Variants in EIF2AK3 observed in about 807,000 individuals in gnomAD.
EIF2AK3 encodes eukaryotic translation initiation factor 2-alpha kinase 3.
A neutral mutation model predicts 113.5 loss-of-function variants in EIF2AK3; 50 were observed. That is an observed-to-expected ratio of 0.44 (90% CI 0.35 to 0.56). The LOEUF is 0.56. Among genes scored for constraint, EIF2AK3 ranks in the 20% least tolerant of loss-of-function variants. The pLI, the probability that EIF2AK3 is intolerant of heterozygous loss-of-function variation, is 0.00. For missense variants in EIF2AK3, 1,185 were observed against 1,378.0 expected, an observed-to-expected ratio of 0.86 and a Z score of 2.22; for synonymous variants, 448 against 495.4, an observed-to-expected ratio of 0.90 and a Z score of 1.27.
In EIF2AK3 at chr2:88,576,552, A is replaced by G; in HGVS notation, c.2036+2T>C. ...AAGTGTATGTGTAACAAAGTTAGTT[A>G]CCTTTCATCTTTCAGCCAAATTTCA... On this transcript the variant is annotated splice_donor_variant, in intron 12 of 16. Transcript: ENST00000303236. LOFTEE classifies it high-confidence loss of function. 6.2e-7 allele frequency: 1 copy of G among 1,614,058 alleles called. No individual in the cohort carries two copies.
chr2:88,627,203 C>G lies in EIF2AK3; in HGVS notation c.72G>C (p.Ala24=), dbSNP rs1052744793. The G allele has an allele frequency of 1.2e-4, 173 of 1,438,108 alleles. No homozygotes were observed. Among genetic ancestry groups the G allele is most frequent in the East Asian group, 1.8e-4 (6 of 32,470 alleles). The allele number at this position is 1,438,108 out of a possible 1,614,324, so 89.1% of individuals were successfully genotyped here. A position where few individuals can be genotyped will look rare whatever the true frequency, so the allele number is the denominator to read the frequency against. ...LLLLLLLLGL[A]ARTVAAGRAR... is the part of the protein sequence containing the mutation. ...CGCGCCCCGCGGCCACCGTCCTTGC[C>G]GCGAGCCCCAGCAGCAGCAGCAGCA... The change falls in exon 1 of 17, where the codon GCG becomes GCC. Residue 24 remains alanine (A), a synonymous_variant. Coordinates refer to ENST00000303236, the MANE Select transcript of EIF2AK3 (RefSeq NM_004836.7).
Position 88,587,962 on chromosome 2 carries a change from A to G in EIF2AK3, c.1429+20T>C, listed in dbSNP as rs1436126570. On this transcript the variant is annotated intron_variant, in intron 8 of 16. Coordinates refer to ENST00000303236, the MANE Select transcript of EIF2AK3 (RefSeq NM_004836.7). ...TCAAATTAAAAAATAAAATAAATAA[A>G]ACTCAGTATTTTCACTTACCATATG... 2.0e-6 allele frequency: 3 copies of G among 1,500,840 alleles called. No homozygotes were observed. The highest frequency in any genetic ancestry group is 1.8e-6 in the Non-Finnish European group (2 of 1,095,024). 93.0% of individuals were successfully genotyped at this position (1,500,840 alleles called of 1,614,324 possible).
chr2:88,607,235 T>G (rs1007621000), intron 2 of EIF2AK3, among the ~76,000 whole-genome samples: 3 of 152,212 alleles, frequency 2.0e-5, no homozygotes, highest in African/African-American at 7.2e-5. Flanking sequence ...AACAAAATTT[T>G]AAGGCAATCA....
intron 2 of EIF2AK3, among the ~76,000 whole-genome samples, chr2:88,597,364 G>C (rs972391501): frequency 1.3e-5 from 2 of 152,050 alleles, no homozygotes; most frequent in African/African-American, 4.8e-5. Flanking sequence ...GTATCTTCCA[G>C]ATTAATCTCT....
At chr2:88,599,200 C>T (rs1310015529) in intron 2 of EIF2AK3, among the ~76,000 whole-genome samples, 1 of 151,998 alleles carries the variant, frequency 6.6e-6, no homozygotes, top group Non-Finnish European at 1.5e-5. Context: ...TTAAGGGTTC[C>T]TATTACTCAT....
At chr2:88,604,718 G>T (rs374280174) in intron 2 of EIF2AK3, among the ~76,000 whole-genome samples, 7 of 152,236 alleles carry the variant, frequency 4.6e-5, no homozygotes, top group Middle Eastern at 3.4e-3. Context: ...AAGTTTTGGT[G>T]CCTGTGACTA....
chr2:88,606,001 T>C (rs949104371), intron 2 of EIF2AK3, among the ~76,000 whole-genome samples: 1 of 152,208 alleles, frequency 6.6e-6, no homozygotes, highest in African/African-American at 2.4e-5. Context: ...CCAAGTGATA[T>C]GCTATATGCT....
intron 1 of EIF2AK3, among the ~76,000 whole-genome samples, chr2:88,620,724 C>G (rs752326675): frequency 6.6e-6 from 1 of 152,224 alleles, no homozygotes; most frequent in African/African-American, 2.4e-5. Flanking sequence ...ATATTTTTCT[C>G]ATTCCGGGAC....
chr2:88,562,155 C>G (rs1461760493), intron 15 of EIF2AK3, 134 bp downstream of exon 15: 2 of 711,856 alleles, frequency 2.8e-6, no homozygotes, highest in African/African-American at 3.6e-5. Context: ...CTCTGTGTTA[C>G]TCACATCACC....
In EIF2AK3 at chr2:88,627,247, G is replaced by C. The variant is rs1462706867; in HGVS notation, c.28C>G (p.Leu10Val). 1 of 1,482,146 alleles carries C rather than the reference G, an allele frequency of 6.7e-7. No individual in the cohort carries two copies. The highest frequency in any genetic ancestry group is 8.9e-7 in the Non-Finnish European group (1 of 1,122,282). The allele number at this position is 1,482,146 out of a possible 1,614,324, so 91.8% of individuals were successfully genotyped here. ...AGCAGCAGCAGCAGCGCCCGTACCAGCAGCCCCGGGCTGATGGCGCGCTCC... is the reference window on the plus strand; with the variant it reads ...AGCAGCAGCAGCAGCGCCCGTACCACCAGCCCCGGGCTGATGGCGCGCTCC... MERAISPGL[L>V]VRALLLLLLL... is the part of the protein sequence containing the mutation. Residue 10 changes from leucine to valine, a missense_variant, in exon 1 of 17, where the codon CTG (leucine) becomes GTG (valine). Around this residue, in one of 3 missense-constraint regions of EIF2AK3, gnomAD observed 189 missense variants for 175.2 expected, o/e 1.08. Coordinates refer to ENST00000303236, the MANE Select transcript of EIF2AK3 (RefSeq NM_004836.7).
rs2104438640 is a variant in EIF2AK3 at position 88,590,904 on chromosome 2, T to C, written c.916A>G (p.Met306Val). The change falls in exon 5 of 17, where the codon ATG (methionine) becomes GTG (valine). Residue 306 changes from methionine to valine, a missense_variant. This residue lies in a region of EIF2AK3 where 877 missense variants were observed against 1,024.2 expected (regional missense o/e 0.86). Coordinates refer to ENST00000303236, the MANE Select transcript of EIF2AK3 (RefSeq NM_004836.7). ...SDVEEQEAAI[M>V]DIVIKVSVAD... is the part of the protein sequence containing the mutation. ...ACCGAAACCTTTATCACTATGTCCA[T>C]TATGGCAGCTTCCTGTTCTTCCACA... The C allele has an allele frequency of 6.2e-7, 1 of 1,614,102 alleles. No homozygotes were observed. Among genetic ancestry groups the C allele is most frequent in the Non-Finnish European group, 8.5e-7 (1 of 1,179,996 alleles).
At chr2:88,584,847 A>C (rs1320605928) in intron 9 of EIF2AK3, among the ~76,000 whole-genome samples, 3 of 152,118 alleles carry the variant, frequency 2.0e-5, no homozygotes, top group African/African-American at 7.2e-5. Context: ...AAGGACTGAA[A>C]GCAGCTCAGC....
chr2:88,614,142 C>CA (rs1368503435), intron 1 of EIF2AK3, among the ~76,000 whole-genome samples: 24 of 152,338 alleles, frequency 1.6e-4, no homozygotes, highest in Admixed American at 6.5e-5. Context: ...CTTCTACCTA[C>CA]ATACCTCCTG....
chr2:88,613,101 G>T (rs1334300030), intron 2 of EIF2AK3, among the ~76,000 whole-genome samples: 2 of 152,180 alleles, frequency 1.3e-5, no homozygotes, highest in African/African-American at 2.4e-5. Flanking sequence ...GGCAGGCTGT[G>T]TCCTCACTTT....
intron 1 of EIF2AK3, among the ~76,000 whole-genome samples, chr2:88,622,022 G>C (rs1367760598): frequency 6.6e-6 from 1 of 150,636 alleles, no homozygotes; most frequent in Non-Finnish European, 1.5e-5. Flanking sequence ...TCAGCCTCCT[G>C]AGTAGCTGGG....
In EIF2AK3 at chr2:88,588,839, T is replaced by C. The variant is rs777668213; in HGVS notation, c.1228A>G (p.Ser410Gly). The change falls in exon 7 of 17, where the codon AGT becomes GGT. Residue 410 changes from serine to glycine, a missense_variant. By Grantham distance (56) the Ser-to-Gly change is moderately conservative. Coordinates refer to ENST00000303236, the MANE Select transcript of EIF2AK3 (RefSeq NM_004836.7). ...GTGACAGATTCCAAAGCCTTGGGACTTGAAGGAAACTTTTCTGAAATTCTG... is the reference window on the plus strand; with the variant it reads ...GTGACAGATTCCAAAGCCTTGGGACCTGAAGGAAACTTTTCTGAAATTCTG... ...SVRISEKFPS[S>G]PKALESVTNE... 3.1e-6 allele frequency: 5 copies of C among 1,613,748 alleles called. No individual in the cohort carries two copies. The African/African-American group carries it at 5.3e-5, about 17-fold the overall frequency.
At chr2:88,566,082 A>C (rs767446477) in intron 14 of EIF2AK3, among the ~76,000 whole-genome samples, 148 of 152,152 alleles carry the variant, frequency 9.7e-4, no homozygotes, top group Non-Finnish European at 7.3e-4. Context: ...TCTTTATTTT[A>C]AACTATTAGA....
At chr2:88,580,673 G>A (rs904604526) in intron 10 of EIF2AK3, among the ~76,000 whole-genome samples, 6 of 152,134 alleles carry the variant, frequency 3.9e-5, no homozygotes, top group African/African-American at 1.2e-4. Flanking sequence ...GAATAAATTA[G>A]ATGATGTCTG....
intron 9 of EIF2AK3, among the ~76,000 whole-genome samples, chr2:88,585,131 G>A (rs1674687787): frequency 6.6e-6 from 1 of 152,152 alleles, no homozygotes; most frequent in Admixed American, 6.5e-5. Flanking sequence ...GAGGTGTGAT[G>A]ATGGTATTTG....
Sources: gnomAD v4.1 joint callset for allele counts (sites outside exome capture counted in the v4.1 genomes callset) on GRCh38, gnomAD v4.1.1 for gene constraint, gnomAD v4.1.1 regional missense constraint, MANE v1.5 for transcripts, NCBI Gene and HGNC (gene_info 2026-07-23, HGNC 2026-07-21) for gene names.